PID1: variants seen among roughly 807,000 people sequenced by gnomAD.
The protein encoded by PID1 is PTB-containing, cubilin and LRP1-interacting protein.
PID1 carries 10 observed loss-of-function variants against 19.1 expected under a neutral mutation model. That is an observed-to-expected ratio of 0.52 (90% confidence interval 0.32 to 0.89). The LOEUF (loss-of-function observed/expected upper bound fraction) is 0.89, where lower values mean the gene tolerates loss of function less well. PID1 is among the 40% of genes least tolerant of loss of function. The pLI is 0.03. For missense variants in PID1, 248 were observed against 285.3 expected (o/e 0.87, Z 0.94); for synonymous variants, 130 against 116.0 (o/e 1.12, Z -0.78).
At chr2:229,159,244 T>C (rs1690445994) in intron 1 of PID1, among the ~76,000 whole-genome samples, 1 of 152,156 alleles carries the variant, frequency 6.6e-6, no homozygotes, top group Admixed American at 6.5e-5. Flanking sequence ...CAAAGTGTCT[T>C]TTCCACAAGT....
At chr2:229,037,577 CAG>C (rs1693690209) in intron 2 of PID1, among the ~76,000 whole-genome samples, 2 of 152,264 alleles carry the variant, frequency 1.3e-5, no homozygotes, top group South Asian at 2.1e-4. Context: ...CTGTCAAAGA[CAG>C]AAGCGATTTA....
chr2:229,101,187 T>C (rs1032600586), intron 2 of PID1, among the ~76,000 whole-genome samples: 4 of 152,102 alleles, frequency 2.6e-5, no homozygotes, highest in Non-Finnish European at 5.9e-5. Context: ...GAGTGGCAAA[T>C]GCAATTAGAG....
chr2:229,108,579 G>T (rs945854362), intron 2 of PID1, among the ~76,000 whole-genome samples: 3 of 152,206 alleles, frequency 2.0e-5, no homozygotes, highest in Non-Finnish European at 4.4e-5. Flanking sequence ...AAGTCATAAA[G>T]AATGCATTAT....
chr2:229,099,892 G>A (rs564411963), intron 2 of PID1, among the ~76,000 whole-genome samples: 15 of 152,258 alleles, frequency 9.9e-5, no homozygotes, highest in Admixed American at 7.8e-4. Flanking sequence ...CACACTGAAT[G>A]TTTGTGTCCC....
intron 2 of PID1, among the ~76,000 whole-genome samples, chr2:229,151,314 T>C (rs1345872398): frequency 1.3e-5 from 2 of 152,074 alleles, no homozygotes; most frequent in Non-Finnish European, 2.9e-5. Flanking sequence ...GGAGTCAGAA[T>C]GCTGCAGTTC....
intron 2 of PID1, among the ~76,000 whole-genome samples, chr2:229,119,064 T>C (rs142369648): frequency 6.6e-6 from 1 of 152,202 alleles, no homozygotes; most frequent in Admixed American, 6.5e-5. Context: ...AGAGAGAATA[T>C]CATTTTCAGG....
At chr2:229,093,147 T>C (rs2106220896) in intron 2 of PID1, among the ~76,000 whole-genome samples, 1 of 148,180 alleles carries the variant, frequency 6.7e-6, no homozygotes, top group East Asian at 2.0e-4. Context: ...TCTTTTTTTT[T>C]TTTGAGATGG....
chr2:229,224,714 A>C (rs1290260278), intron 1 of PID1, among the ~76,000 whole-genome samples: 1 of 152,134 alleles, frequency 6.6e-6, no homozygotes, highest in East Asian at 1.9e-4. Context: ...TATCTACATA[A>C]ACATGGCTTT....
chr2:229,206,638 AC>A (rs1343397795), intron 1 of PID1, among the ~76,000 whole-genome samples: 1 of 152,182 alleles, frequency 6.6e-6, no homozygotes, highest in Non-Finnish European at 1.5e-5. Flanking sequence ...AAATAAATAT[AC>A]TAACAACTCC....
chr2:229,163,674 TGCGTGTGC>T (rs1690538050), intron 1 of PID1, among the ~76,000 whole-genome samples: 1 of 94,374 alleles, frequency 1.1e-5, no homozygotes, highest in Admixed American at 1.3e-4. Context: ...TGTGTGTGTG[TGCGTGTGC>T]GTGTGTGTGT....
At chr2:229,100,043 G>A (rs1041035490) in intron 2 of PID1, among the ~76,000 whole-genome samples, 2 of 152,122 alleles carry the variant, frequency 1.3e-5, no homozygotes, top group Admixed American at 6.5e-5. Context: ...CAGAGAGCTT[G>A]CCTCCTCCTT....
At chr2:229,138,468 A>G (rs991836709) in intron 2 of PID1, among the ~76,000 whole-genome samples, 1 of 152,084 alleles carries the variant, frequency 6.6e-6, no homozygotes, top group Non-Finnish European at 1.5e-5. Flanking sequence ...GACTTGGGTG[A>G]TCACTGAACC....
At chr2:229,033,590 T>C (rs889706177) in intron 2 of PID1, among the ~76,000 whole-genome samples, 1 of 152,108 alleles carries the variant, frequency 6.6e-6, no homozygotes, top group Non-Finnish European at 1.5e-5. Context: ...GATGATGGGT[T>C]GATGGGTGCA....
At chr2:229,139,155 G>A (rs7600445) in intron 2 of PID1, among the ~76,000 whole-genome samples, 34,324 of 110,592 alleles carry the variant, frequency 0.31, 8,478 homozygotes, top group South Asian at 0.38. Flanking sequence ...GAAAGCAAGC[G>A]AGCGAGCAAG....
intron 2 of PID1, among the ~76,000 whole-genome samples, chr2:229,120,274 C>G (rs990103791): frequency 1.3e-5 from 2 of 151,976 alleles, no homozygotes; most frequent in Non-Finnish European, 2.9e-5. Flanking sequence ...TGACCAGAAG[C>G]CTTACCAATA....
At chr2:229,072,265 T>C (rs1381411224) in intron 2 of PID1, among the ~76,000 whole-genome samples, 1 of 152,188 alleles carries the variant, frequency 6.6e-6, no homozygotes, top group Non-Finnish European at 1.5e-5. Flanking sequence ...TTTGCTATCA[T>C]AATGTTAATA....
chr2:229,199,787 CAT>C (rs1033099404), intron 1 of PID1, among the ~76,000 whole-genome samples: 4 of 148,770 alleles, frequency 2.7e-5, no homozygotes, highest in African/African-American at 7.4e-5. Flanking sequence ...TACACACACA[CAT>C]ATATATAACC....
At chr2:229,080,670 C>CT (rs546713000) in intron 2 of PID1, among the ~76,000 whole-genome samples, 114 of 152,340 alleles carry the variant, frequency 7.5e-4, no homozygotes, top group African/African-American at 2.6e-3. Context: ...CATCTTGCAT[C>CT]TTTCAGCCAT....
chr2:229,047,862 T>C (rs1693914831), intron 2 of PID1, among the ~76,000 whole-genome samples: 1 of 152,030 alleles, frequency 6.6e-6, no homozygotes, highest in African/African-American at 2.4e-5. Flanking sequence ...TGAACAAAGG[T>C]TTTTGAATGG....
Sources: gnomAD v4.1 joint callset for allele counts (sites outside exome capture counted in the v4.1 genomes callset) on GRCh38, gnomAD v4.1.1 for gene constraint, MANE v1.5 for transcripts, NCBI Gene and HGNC (gene_info 2026-07-23, HGNC 2026-07-21) for gene names.